The following GBA2 variants were observed in gnomAD, a reference collection of about 807,000 sequenced individuals.
GBA2 encodes glucosylceramidase beta 2.
A neutral mutation model predicts 112.9 loss-of-function variants in GBA2; 79 were observed. The observed-to-expected ratio is 0.70, with a 90% CI of 0.58 to 0.84. The LOEUF (loss-of-function observed/expected upper bound fraction) is 0.84. Among genes scored for constraint, GBA2 ranks in the 40% least tolerant of loss-of-function variants. The pLI is 0.00. For missense variants in GBA2, 1,043 were observed against 1,190.0 expected (o/e 0.88, Z 1.82); for synonymous variants, 403 against 434.3 (o/e 0.93, Z 0.90).
chr9:35,738,247 T>G lies in GBA2; in HGVS notation c.2182A>C (p.Arg728=), dbSNP rs753292162. ...CCGAACTCACCATTCCACAGCAGTC[T>G]CTCATAGGCTTCTTGGCCCCGGCTG... ...ILSRGQEAYE[R]LLWNGRYYNY... Residue 728 remains arginine (R), a synonymous_variant, in exon 14 of 17, where the codon AGA becomes CGA. Coordinates refer to ENST00000378103, the MANE Select transcript of GBA2 (RefSeq NM_020944.3). The G allele has an allele frequency of 3.7e-6, 6 of 1,614,170 alleles. No individual in the cohort carries two copies. The highest frequency in any genetic ancestry group is 5.1e-6 in the Non-Finnish European group (6 of 1,180,030).
chr9:35,748,839 T>G lies in GBA2; in HGVS notation c.-135A>C. 1 of 616,510 alleles carries G rather than the reference T, an allele frequency of 1.6e-6. No individual in the cohort carries two copies. Among genetic ancestry groups the G allele is most frequent in the South Asian group, 2.4e-5 (1 of 42,540 alleles). 38.2% of individuals were successfully genotyped at this position (616,510 alleles called of 1,614,324 possible). On this transcript the variant is annotated 5_prime_UTR_variant, in exon 1 of 17. Transcript: ENST00000378103. ...GGGGAAAGCTTAAATGAGCTGGTGT[T>G]TCAGTGGAGCCGGGGAGCTCTTGCT... is the stretch of plus-strand genomic sequence containing the variant.
At chr9:35,743,658 G>T (rs1377749670) in intron 3 of GBA2, among the ~76,000 whole-genome samples, 1 of 152,200 alleles carries the variant, frequency 6.6e-6, no homozygotes, top group Non-Finnish European at 1.5e-5. Context: ...TAAAGGGGCG[G>T]TCAACTAGAG....
chr9:35,749,187 G>T lies in GBA2; in HGVS notation c.-483C>A. ...GCGCCCAGGTGCCAGCCCGTGGGAAGGTGACCCTGGGCGCCGGGATGACCC... is the reference window on the plus strand; with the variant it reads ...GCGCCCAGGTGCCAGCCCGTGGGAATGTGACCCTGGGCGCCGGGATGACCC... On this transcript the variant is annotated 5_prime_UTR_variant, in exon 1 of 17. Coordinates refer to ENST00000378103, the MANE Select transcript of GBA2 (RefSeq NM_020944.3). The surrounding 1 kb of genome is among the most constrained non-coding windows in gnomAD (Gnocchi z 4.4). The T allele has an allele frequency of 2.8e-6, 1 of 359,140 alleles. No individual in the cohort carries two copies. The highest frequency in any genetic ancestry group is 3.5e-5 in the Admixed American group (1 of 28,338). The allele number at this position is 359,140 out of a possible 1,614,324, so 22.2% of individuals were successfully genotyped here. A position where few individuals can be genotyped will look rare whatever the true frequency, so the allele number is the denominator to read the frequency against.
rs1316340925 is a variant in GBA2, at chr9:35,739,942, A to C, written c.1409+56T>G. On this transcript the variant is annotated intron_variant, in intron 8 of 16. Coordinates refer to ENST00000378103, the MANE Select transcript of GBA2 (RefSeq NM_020944.3). ...TTGGTGGGTGGAGAGTAAATCGAGG[A>C]GTCCCATTTGGAGTGAGTGCCCAGG... 4.4e-6 allele frequency: 7 copies of C among 1,600,714 alleles called. 1 individual carries two copies. In the East Asian group the frequency reaches 1.1e-4, roughly 26 times the overall value.
At position 35,738,103 on chromosome 9, in the gene GBA2, A is replaced by G. The variant is rs1563956411; in HGVS notation, c.2247T>C (p.Val749=). ...DSSSRPQSRS[V]MSDQCAGQWF... ...ACTGTCCAGCACACTGGTCAGACAT[A>G]ACACTACGAGACTGAGGCCGAGAGC... The change falls in exon 15 of 17, where the codon GTT becomes GTC. Residue 749 remains valine (V), a synonymous_variant. Transcript: ENST00000378103. 1.9e-6 allele frequency: 3 copies of G among 1,613,992 alleles called. No individual in the cohort carries two copies. The highest frequency in any genetic ancestry group is 1.3e-5 in the African/African-American group (1 of 75,036).
chr9:35,744,789 C>A, intron 1 of GBA2, 83 bp from the exon 2 acceptor site: 1 of 773,110 alleles, frequency 1.3e-6, no homozygotes, highest in Non-Finnish European at 2.4e-6. Flanking sequence ...TCTCTGTGAC[C>A]TCCCATTAAA....
In GBA2 at chr9:35,741,616, AGAGGCAGGTCCTGGG is replaced by A; in HGVS notation, c.786+41_786+55del. 2 of 1,183,444 alleles carry A rather than the reference AGAGGCAGGTCCTGGG, an allele frequency of 1.7e-6. No homozygotes were observed. The highest frequency in any genetic ancestry group is 2.5e-6 in the Non-Finnish European group (2 of 787,342). 73.3% of individuals were successfully genotyped at this position (1,183,444 alleles called of 1,614,324 possible). Reference sequence around the variant, plus strand: ...CCTCGCAGGCCATGCAGTTTCTAGCAGAGGCAGGTCCTGGGGAAGGGAGGGCAATGGAAGATACAG... The same window carrying A: ...CCTCGCAGGCCATGCAGTTTCTAGCAGAAGGGAGGGCAATGGAAGATACAG... On this transcript the variant is annotated intron_variant, in intron 4 of 16. Transcript: ENST00000378103. The surrounding 1 kb of genome is among the most constrained non-coding windows in gnomAD (Gnocchi z 4.6).
rs774191277 is a variant in GBA2, at chr9:35,748,734, C to A, written c.-30G>T. ...TCGATGGCGCCAAGTCCCGAGCCCT[C>A]GGATACTAAGTATCTCGCCAGCCTA... On this transcript the variant is annotated 5_prime_UTR_variant, in exon 1 of 17. Coordinates refer to ENST00000378103, the MANE Select transcript of GBA2 (RefSeq NM_020944.3). 6 of 1,353,918 alleles carry A rather than the reference C, an allele frequency of 4.4e-6. No homozygotes were observed. Among genetic ancestry groups the A allele is most frequent in the Non-Finnish European group, 6.1e-6 (6 of 984,390 alleles). The allele number at this position is 1,353,918 out of a possible 1,614,324, so 83.9% of individuals were successfully genotyped here.
In GBA2 at chr9:35,739,992, T is replaced by G. The variant is rs753907500; in HGVS notation, c.1409+6A>C. 6.2e-7 allele frequency: 1 copy of G among 1,614,056 alleles called. No homozygotes were observed. Among genetic ancestry groups the G allele is most frequent in the Non-Finnish European group, 8.5e-7 (1 of 1,179,940 alleles). The stretch of plus-strand genomic sequence containing the variant: ...GAGAAAGGCAAGAAATGGGCCCCAC[T>G]GGCACCTGTCATCCAATACCGGGCT... On this transcript the variant is annotated splice_donor_region_variant and intron_variant, in intron 8 of 16. Transcript: ENST00000378103.
At chr9:35,744,854 C>A in intron 1 of GBA2, 148 bp from the exon 2 acceptor site, 1 of 618,484 alleles carries the variant, frequency 1.6e-6, no homozygotes, top group Non-Finnish European at 2.9e-6. Context: ...CTATACAGTT[C>A]AAGGTCCCTT....
chr9:35,746,468 G>A lies in GBA2; in HGVS notation c.360-1762C>T, dbSNP rs1320470111. On this transcript the variant is annotated intron_variant, in intron 1 of 16. Coordinates refer to ENST00000378103, the MANE Select transcript of GBA2 (RefSeq NM_020944.3). This position sits in a 1 kb window ranked among gnomAD's most constrained non-coding sequence, Gnocchi z 5.2. ...TAGCCAGCTGTGGTGGCAGGCACCT[G>A]CAATCCCAGCTACTCAGGAGGCTGA... Among the ~76,000 whole-genome samples, 1 of 152,126 alleles carries A rather than the reference G, an allele frequency of 6.6e-6. No individual in the cohort carries two copies. The highest frequency in any genetic ancestry group is 1.5e-5 in the Non-Finnish European group (1 of 68,026).
At chr9:35,745,371 C>T (rs991137270) in intron 1 of GBA2, among the ~76,000 whole-genome samples, 2 of 152,078 alleles carry the variant, frequency 1.3e-5, no homozygotes, top group African/African-American at 2.4e-5. Context: ...GTGATCCGCC[C>T]GCCTCGGCCT....
rs1446223555 is a variant in GBA2, at chr9:35,749,203, G to A, written c.-499C>T. 7.5e-6 allele frequency: 3 copies of A among 398,788 alleles called. No homozygotes were observed. Among genetic ancestry groups the A allele is most frequent in the African/African-American group, 2.1e-5 (1 of 46,596 alleles). The allele number at this position is 398,788 out of a possible 1,614,324, so 24.7% of individuals were successfully genotyped here. A position where few individuals can be genotyped will look rare whatever the true frequency, so the allele number is the denominator to read the frequency against. ...CCGTGGGAAGGTGACCCTGGGCGCC[G>A]GGATGACCCGAGCCCTTTCCGGTCT... On this transcript the variant is annotated 5_prime_UTR_variant, in exon 1 of 17. Transcript: ENST00000378103. The surrounding 1 kb of genome is among the most constrained non-coding windows in gnomAD (Gnocchi z 4.4).
intron 2 of GBA2, 35 bp from the exon 3 acceptor site, chr9:35,744,447 A>C (rs1826871343): frequency 7.8e-7 from 1 of 1,285,158 alleles, no homozygotes; most frequent in South Asian, 1.2e-5. Flanking sequence ...GGGTATTGGG[A>C]GAGGAAAATA....
chr9:35,749,103 GCACC>G lies in GBA2; in HGVS notation c.-403_-400del, dbSNP rs1232250236. ...ACCTCGGCCCGGCCCCTGGGCCACG[GCACC>G]GGGTCCCCCAGGATTGGGCGCCAGG... On this transcript the variant is annotated 5_prime_UTR_variant, in exon 1 of 17. Transcript: ENST00000378103. This position sits in a 1 kb window ranked among gnomAD's most constrained non-coding sequence, Gnocchi z 4.4. 1.1e-4 allele frequency: 25 copies of G among 237,894 alleles called. No homozygotes were observed. The highest frequency in any genetic ancestry group is 1.7e-4 in the Non-Finnish European group (20 of 120,168). 14.7% of individuals were successfully genotyped at this position (237,894 alleles called of 1,614,324 possible).
chr9:35,739,473 C>T, intron 9 of GBA2, 54 bp from the exon 10 acceptor site: 1 of 1,395,530 alleles, frequency 7.2e-7, no homozygotes, highest in Non-Finnish European at 1.0e-6. Flanking sequence ...CCCCTTCAAA[C>T]CCCTCTGTAG....
At chr9:35,748,100 T>C (rs1827079812) in intron 1 of GBA2, among the ~76,000 whole-genome samples, 1 of 152,232 alleles carries the variant, frequency 6.6e-6, no homozygotes, top group African/African-American at 2.4e-5. Context: ...GAAAGGCTGA[T>C]TGCATGACCA....
chr9:35,739,034 C>T lies in GBA2; in HGVS notation c.1763G>A (p.Arg588Lys), dbSNP rs746479938. 17 of 1,613,668 alleles carry T rather than the reference C, an allele frequency of 1.1e-5. No individual in the cohort carries two copies. The highest frequency in any genetic ancestry group is 1.7e-4 in the Middle Eastern group (1 of 6,060). The change falls in exon 11 of 17, where the codon AGG becomes AAG. Residue 588 changes from arginine (R) to lysine (K), a missense_variant. Transcript: ENST00000378103. ...MSGVMAPVKR[R>K]NVIPHDIGDP... ...CCCAATATCATGGGGGATGACGTTC[C>T]TCCTTTTCACAGGTGCCATCACCCC... is the stretch of plus-strand genomic sequence containing the variant.
rs1306837618 is a variant in GBA2, at chr9:35,739,007, T to C, written c.1790A>G (p.Asp597Gly). Residue 597 changes from aspartate (D) to glycine (G), a missense_variant, in exon 11 of 17, where the codon GAC becomes GGC. Physicochemically the swap from Asp to Gly is moderately conservative, Grantham distance 94 (BLOSUM62 -1). Coordinates refer to ENST00000378103, the MANE Select transcript of GBA2 (RefSeq NM_020944.3). ...RRNVIPHDIG[D>G]PDDEPWLRVN... ...ACCTTGGGGTGGACTTTTACCTGGG[T>C]CCCCAATATCATGGGGGATGACGTT... is the stretch of plus-strand genomic sequence containing the variant. 3 of 1,611,456 alleles carry C rather than the reference T, an allele frequency of 1.9e-6. No individual in the cohort carries two copies. The highest frequency in any genetic ancestry group is 2.5e-6 in the Non-Finnish European group (3 of 1,177,874).
Sources: allele counts gnomAD v4.1 joint callset (sites outside exome capture counted in the v4.1 genomes callset), GRCh38; gene constraint gnomAD v4.1.1; non-coding constraint Gnocchi (gnomAD v3.1); transcripts MANE v1.5; gene names NCBI Gene and HGNC (gene_info 2026-07-23, HGNC 2026-07-21).